Variants in SULF1 observed in about 807,000 individuals in gnomAD.
The protein encoded by SULF1 is extracellular sulfatase Sulf-1.
SULF1 carries 46 observed loss-of-function variants against 110.5 expected under a neutral mutation model. That is an observed-to-expected ratio of 0.42 (90% confidence interval 0.33 to 0.53). The LOEUF (loss-of-function observed/expected upper bound fraction) is 0.53, where lower values mean the gene tolerates loss of function less well. SULF1 is among the 20% of genes least tolerant of loss of function. SULF1 has a pLI of 0.12. For missense variants in SULF1, 941 were observed against 1,094.2 expected (o/e 0.86, Z 1.98); for synonymous variants, 371 against 387.1 (o/e 0.96, Z 0.49).
intron 3 of SULF1, among the ~76,000 whole-genome samples, chr8:69,540,655 G>A (rs1813794933): frequency 6.6e-6 from 1 of 152,172 alleles, no homozygotes; most frequent in African/African-American, 2.4e-5. Flanking sequence ...CCGGGTTTCT[G>A]TAACTAGCAC....
intron 22 of SULF1, among the ~76,000 whole-genome samples, chr8:69,644,367 T>C (rs17665471): frequency 0.13 from 20,418 of 152,278 alleles, 1,476 homozygotes; most frequent in Middle Eastern, 0.2. Context: ...TAATGCTGAA[T>C]GCAGGACATT....
rs531959043 is a variant in SULF1, at chr8:69,513,137, A to T, written c.-134+11169A>T. ...GTAGTTAAGTACACAATAAATGTTC[A>T]TTGTTAATTTAAAAAACAAAGTTGC... On this transcript the variant is annotated intron_variant, in intron 3 of 22. Transcript: ENST00000402687. Among the ~76,000 whole-genome samples, 26 of 152,330 alleles carry T rather than the reference A, an allele frequency of 1.7e-4. No individual in the cohort carries two copies. The East Asian group carries it at 5.0e-3, about 29-fold the overall frequency.
intron 8 of SULF1, among the ~76,000 whole-genome samples, chr8:69,594,232 G>T (rs575012902): frequency 1.6e-4 from 24 of 152,096 alleles, no homozygotes; most frequent in Non-Finnish European, 5.9e-5. Context: ...TGTATTTTTA[G>T]TGGAAACGGG....
chr8:69,589,217 C>A, intron 8 of SULF1, 76 bp downstream of exon 8: 1 of 1,417,512 alleles, frequency 7.1e-7, no homozygotes, highest in South Asian at 1.4e-5. Flanking sequence ...CTCTCCTTTA[C>A]CCCGTTTCCT....
At chr8:69,637,585 A>G (rs1261708674) in intron 19 of SULF1, 1 of 153,878 alleles carries the variant, frequency 6.5e-6, no homozygotes, top group Non-Finnish European at 1.4e-5. Flanking sequence ...ATGTATTCCA[A>G]TATCAAACAG....
At chr8:69,601,400 T>C (rs1807792989) in intron 9 of SULF1, among the ~76,000 whole-genome samples, 1 of 152,216 alleles carries the variant, frequency 6.6e-6, no homozygotes, top group Admixed American at 6.5e-5. Flanking sequence ...TTTTTGTTTT[T>C]GTTCTACCAA....
At chr8:69,587,246 A>G (rs1806528732) in intron 7 of SULF1, among the ~76,000 whole-genome samples, 1 of 152,220 alleles carries the variant, frequency 6.6e-6, no homozygotes, top group Non-Finnish European at 1.5e-5. Flanking sequence ...TTGCCAAAAT[A>G]TCCCCTTCCC....
intron 13 of SULF1, among the ~76,000 whole-genome samples, chr8:69,605,281 G>A (rs573893197): frequency 7.2e-5 from 11 of 152,300 alleles, no homozygotes; most frequent in East Asian, 5.8e-4. Flanking sequence ...GCACAGGTAC[G>A]TGCTGAGCCT....
intron 2 of SULF1, among the ~76,000 whole-genome samples, chr8:69,497,180 CAG>C (rs1305517614): frequency 8.3e-6 from 1 of 120,542 alleles, no homozygotes; most frequent in Non-Finnish European, 1.7e-5. Context: ...TTTTTTGAGA[CAG>C]AGTCTTGATC....
At chr8:69,604,583 G>A (rs1034796137) in intron 12 of SULF1, among the ~76,000 whole-genome samples, 4 of 152,060 alleles carry the variant, frequency 2.6e-5, no homozygotes, top group East Asian at 1.9e-4. Context: ...TGGGAAGAAC[G>A]AATCTTTTCC....
chr8:69,493,657 A>G (rs1248638174), intron 1 of SULF1, among the ~76,000 whole-genome samples: 1 of 152,232 alleles, frequency 6.6e-6, no homozygotes, highest in African/African-American at 2.4e-5. Context: ...CTTTCAGTGC[A>G]GGCTTGAAAC....
At position 69,621,116 on chromosome 8, in the gene SULF1, C is replaced by A. The variant is rs372786570; in HGVS notation, c.1459C>A (p.Gln487Lys). 4.3e-6 allele frequency: 7 copies of A among 1,613,996 alleles called. No individual in the cohort carries two copies. In the African/African-American group the frequency reaches 6.7e-5, roughly 15 times the overall value. The change falls in exon 14 of 23, where the codon CAG (glutamine) becomes AAG (lysine). Residue 487 changes from glutamine (Q) to lysine (K), a missense_variant. Gln to Lys is a moderately conservative substitution (Grantham distance 53). Around this residue, in one of 3 missense-constraint regions of SULF1, gnomAD observed 822 missense variants for 934.3 expected, o/e 0.88. Coordinates refer to ENST00000402687, the MANE Select transcript of SULF1 (RefSeq NM_001128205.2). ...ACCCAGTGACCTGCTCACAGTCCGG[C>A]AGAGCACGCGGAACCTCTACGCTCG... ...KGPSDLLTVRQSTRNLYARGF... is the reference protein window; with the variant it reads ...KGPSDLLTVRKSTRNLYARGF...
At chr8:69,513,422 G>A (rs1294144082) in intron 3 of SULF1, among the ~76,000 whole-genome samples, 1 of 152,196 alleles carries the variant, frequency 6.6e-6, no homozygotes, top group Non-Finnish European at 1.5e-5. Flanking sequence ...TGAAAGGCAA[G>A]AACTCCATGG....
chr8:69,604,942 G>T lies in SULF1; in HGVS notation c.1377+10G>T, dbSNP rs766083436. ...TGAACAACCGGGGCAGGTGAGTGAC[G>T]CAGGCTTTCTTTACCACCACTCATG... On this transcript the variant is annotated intron_variant, in intron 13 of 22. Transcript: ENST00000402687. 3.1e-6 allele frequency: 5 copies of T among 1,613,090 alleles called. No individual in the cohort carries two copies. The Admixed American group carries it at 5.0e-5, about 16-fold the overall frequency.
intron 3 of SULF1, among the ~76,000 whole-genome samples, chr8:69,562,306 C>A (rs1419219140): frequency 6.6e-6 from 1 of 152,168 alleles, no homozygotes; most frequent in African/African-American, 2.4e-5. Context: ...TCTTTCACTA[C>A]CCCCTGTCAC....
At chr8:69,605,919 CA>C (rs1389915921) in intron 13 of SULF1, among the ~76,000 whole-genome samples, 2 of 152,144 alleles carry the variant, frequency 1.3e-5, no homozygotes, top group Non-Finnish European at 2.9e-5. Context: ...TTGTCTGATT[CA>C]ATAACTCAGG....
At chr8:69,650,082 AC>A (rs997737615) in intron 22 of SULF1, among the ~76,000 whole-genome samples, 1 of 132,076 alleles carries the variant, frequency 7.6e-6, no homozygotes, top group Non-Finnish European at 1.5e-5. Context: ...TGCAGGCTTG[AC>A]CCCCCAGGCT....
At chr8:69,474,013 T>TTTCCTG (rs1809199809) in intron 1 of SULF1, among the ~76,000 whole-genome samples, 1 of 152,204 alleles carries the variant, frequency 6.6e-6, no homozygotes, top group Non-Finnish European at 1.5e-5. Context: ...GCTCAAAGAT[T>TTTCCTG]ATTCAGTCTA....
chr8:69,634,305 A>G (rs1423787784), intron 19 of SULF1, among the ~76,000 whole-genome samples: 2 of 152,192 alleles, frequency 1.3e-5, no homozygotes, highest in Non-Finnish European at 2.9e-5. Flanking sequence ...TAATGTTTTG[A>G]TATAATTTAG....
Sources: gnomAD v4.1 joint callset for allele counts (sites outside exome capture counted in the v4.1 genomes callset) on GRCh38, gnomAD v4.1.1 for gene constraint, gnomAD v4.1.1 regional missense constraint, MANE v1.5 for transcripts, NCBI Gene and HGNC (gene_info 2026-07-23, HGNC 2026-07-21) for gene names.